Variants in ZNF415 observed in about 807,000 individuals in gnomAD.
ZNF415 encodes zinc finger protein 415.
ZNF415 carries 5 observed loss-of-function variants against 7.3 expected under a neutral mutation model. The ratio of observed to expected loss-of-function variants is 0.69; its 90% CI spans 0.36 to 1.44. ZNF415 has a LOEUF of 1.44. Among genes scored for constraint, ZNF415 ranks in the 40% most tolerant of loss-of-function variants. The pLI is 0.04. For synonymous variants in ZNF415, 207 were observed against 226.3 expected, an observed-to-expected ratio of 0.91 and a Z score of 0.77; for missense variants, 628 against 664.8, an observed-to-expected ratio of 0.94 and a Z score of 0.61.
intron 1 of ZNF415, among the ~76,000 whole-genome samples, chr19:53,125,683 G>T (rs542401137): frequency 6.6e-6 from 1 of 151,442 alleles, no homozygotes; most frequent in Non-Finnish European, 1.5e-5. Context: ...GGTGGCTCAC[G>T]CCTGTAATCC....
At chr19:53,116,183 A>T in intron 3 of ZNF415, 130 bp downstream of exon 3, 1 of 1,079,126 alleles carries the variant, frequency 9.3e-7, no homozygotes, top group African/African-American at 1.6e-5. Context: ...CACATTATGG[A>T]GCTTTTCATT....
intron 2 of ZNF415, chr19:53,122,460 C>T (rs1322859031): frequency 9.1e-6 from 14 of 1,545,290 alleles, no homozygotes; most frequent in Non-Finnish European, 1.2e-5. Context: ...CCAGTGGACT[C>T]TTCAGAAGTT....
chr19:53,122,457 A>G, intron 2 of ZNF415: 1 of 1,543,592 alleles, frequency 6.5e-7, no homozygotes, highest in Non-Finnish European at 8.7e-7. Flanking sequence ...TGCCCAGTGG[A>G]CTCTTCAGAA....
At chr19:53,120,435 C>T (rs2087810232) in intron 2 of ZNF415, among the ~76,000 whole-genome samples, 1 of 152,134 alleles carries the variant, frequency 6.6e-6, no homozygotes, top group East Asian at 1.9e-4. Flanking sequence ...AAACACATTT[C>T]AACAGGGCTT....
rs528571437 is a variant in ZNF415 at position 53,132,421 on chromosome 19, G to A, written c.-68+435C>T. ...GAGCAGCGGGGCCCGGCACGAGGAGGAGGGAGGTGGGGCGCGACAGCGCCT... is the reference window on the plus strand; with the variant it reads ...GAGCAGCGGGGCCCGGCACGAGGAGAAGGGAGGTGGGGCGCGACAGCGCCT... On this transcript the variant is annotated intron_variant, in intron 1 of 3. Transcript: ENST00000243643. Among the ~76,000 whole-genome samples the A allele has an allele frequency of 2.6e-5, 4 of 152,242 alleles. 1 individual carries two copies. In the South Asian group the frequency reaches 8.3e-4, roughly 32 times the overall value.
intron 3 of ZNF415, among the ~76,000 whole-genome samples, chr19:53,114,273 G>T (rs2086673136): frequency 6.6e-6 from 1 of 152,104 alleles, no homozygotes; most frequent in Admixed American, 6.6e-5. Flanking sequence ...GCCTCCTGGG[G>T]TCATGTGATT....
intron 3 of ZNF415, chr19:53,115,679 C>A: frequency 6.6e-7 from 1 of 1,510,192 alleles, no homozygotes. Context: ...GGTGTGGCTT[C>A]CTCTCCCCTC....
chr19:53,111,527 G>C (rs776951509), intron 3 of ZNF415, among the ~76,000 whole-genome samples: 1 of 151,834 alleles, frequency 6.6e-6, no homozygotes, highest in Non-Finnish European at 1.5e-5. Context: ...ATTTTTAGTA[G>C]AGATGGGGTT....
At position 53,116,352 on chromosome 19, in the gene ZNF415, C is replaced by A. The variant is rs376597389; in HGVS notation, c.97G>T (p.Asp33Tyr). Residue 33 changes from aspartate to tyrosine, a missense_variant, in exon 3 of 4, where the codon GAT becomes TAT. Transcript: ENST00000243643. Reference sequence around the variant, plus strand: ...TTCCTGTAGTTCTCCAACATCACATCCCTGTATAAAGTCCTCTGTGTAGAG... The same window carrying A: ...TTCCTGTAGTTCTCCAACATCACATACCTGTATAAAGTCCTCTGTGTAGAG... ...LNSTQRTLYRDVMLENYRNLV... is the reference protein window; with the variant it reads ...LNSTQRTLYRYVMLENYRNLV... 1.5e-5 allele frequency: 25 copies of A among 1,613,000 alleles called. 1 individual carries two copies. In the East Asian group the frequency reaches 2.0e-4, roughly 13 times the overall value.
intron 1 of ZNF415, among the ~76,000 whole-genome samples, chr19:53,125,670 C>T (rs1209679597): frequency 4.0e-5 from 6 of 150,268 alleles, no homozygotes; most frequent in South Asian, 2.2e-4. Flanking sequence ...TGGAGCCAGG[C>T]GCGGTGGCTC....
In ZNF415 at chr19:53,109,972, G is replaced by A. The variant is rs903503047; in HGVS notation, c.137-64C>T. On this transcript the variant is annotated intron_variant, in intron 3 of 3. Coordinates refer to ENST00000243643, the MANE Select transcript of ZNF415 (RefSeq NM_018355.4). ...AGACAGTATATAAATATTTCATACT[G>A]AATAACAGAATTACACAAAAAGCAA... The A allele has an allele frequency of 4.6e-6, 6 of 1,294,744 alleles. No homozygotes were observed. In the Admixed American group the frequency reaches 1.4e-4, roughly 29 times the overall value. 80.2% of individuals were successfully genotyped at this position (1,294,744 alleles called of 1,614,324 possible).
At chr19:53,130,072 A>C (rs1252244476) in intron 1 of ZNF415, among the ~76,000 whole-genome samples, 1 of 151,898 alleles carries the variant, frequency 6.6e-6, no homozygotes, top group African/African-American at 2.4e-5. Context: ...CTCACAAAAA[A>C]AAAAAAAAAG....
chr19:53,109,451 G>C lies in ZNF415; in HGVS notation c.594C>G (p.Ile198Met). 6.2e-7 allele frequency: 1 copy of C among 1,614,100 alleles called. No individual in the cohort carries two copies. Among genetic ancestry groups the C allele is most frequent in the Non-Finnish European group, 8.5e-7 (1 of 1,179,996 alleles). Residue 198 changes from isoleucine to methionine, a missense_variant, in exon 4 of 4, where the codon ATC becomes ATG. Physicochemically the swap from Ile to Met is conservative, Grantham distance 10. Transcript: ENST00000243643. ...GTTCTTGTGTGAGTAATGAAGAACAGATGAAATCAGTCCCATATTTATTAG... is the reference window on the plus strand; with the variant it reads ...GTTCTTGTGTGAGTAATGAAGAACACATGAAATCAGTCCCATATTTATTAG... ...HVSNKYGTDFICSSLLTQEQK... is the reference protein window; with the variant it reads ...HVSNKYGTDFMCSSLLTQEQK...
At chr19:53,119,151 G>A (rs11668227) in intron 2 of ZNF415, among the ~76,000 whole-genome samples, 33,412 of 151,734 alleles carry the variant, frequency 0.22, 3,989 homozygotes, top group South Asian at 0.3. Flanking sequence ...GTGTGGTGGT[G>A]GGCGCCTGTA....
intron 2 of ZNF415, among the ~76,000 whole-genome samples, chr19:53,117,112 C>T (rs1252521601): frequency 6.6e-6 from 1 of 152,120 alleles, no homozygotes; most frequent in African/African-American, 2.4e-5. Flanking sequence ...GTCTTCTTGG[C>T]ACATTATAGT....
At chr19:53,114,419 C>T (rs1363444882) in intron 3 of ZNF415, among the ~76,000 whole-genome samples, 3 of 152,142 alleles carry the variant, frequency 2.0e-5, no homozygotes, top group East Asian at 3.9e-4. Context: ...CCGCCCACCT[C>T]AGCCACCCAG....
chr19:53,121,665 C>T (rs995638321), intron 2 of ZNF415, among the ~76,000 whole-genome samples: 63 of 151,884 alleles, frequency 4.1e-4, no homozygotes, highest in African/African-American at 1.5e-3. Flanking sequence ...TACAATGATC[C>T]GCTCACCTCG....
In ZNF415 at chr19:53,108,184, G is replaced by A. The variant is rs1291881476; in HGVS notation, c.*193C>T. 4.9e-6 allele frequency: 3 copies of A among 607,588 alleles called. No individual in the cohort carries two copies. The East Asian group carries it at 8.5e-5, about 17-fold the overall frequency. 37.6% of individuals were successfully genotyped at this position (607,588 alleles called of 1,614,324 possible). On this transcript the variant is annotated 3_prime_UTR_variant, in exon 4 of 4. Transcript: ENST00000243643. ...CTTTAGCATGGACTCTGATGTCAAT[G>A]AATGCTTGAACTTGTGATGAAGGGT...
chr19:53,108,896 T>C lies in ZNF415; in HGVS notation c.1149A>G (p.Pro383=). Residue 383 remains proline (P), a synonymous_variant, in exon 4 of 4, where the codon CCA becomes CCG. Transcript: ENST00000243643. ...CTTTACCACATTCATTACACTTGTA[T>C]GGTTTCTCCCCAGTGTGAATTCTCT... is the stretch of plus-strand genomic sequence containing the variant. The part of the protein sequence containing the change: ...THQRIHTGEK[P]YKCNECGKVF... The C allele has an allele frequency of 3.1e-6, 5 of 1,614,100 alleles. No individual in the cohort carries two copies. Among genetic ancestry groups the C allele is most frequent in the Non-Finnish European group, 4.2e-6 (5 of 1,180,014 alleles).
Sources: allele counts gnomAD v4.1 joint callset (sites outside exome capture counted in the v4.1 genomes callset), GRCh38; gene constraint gnomAD v4.1.1; transcripts MANE v1.5; gene names NCBI Gene and HGNC (gene_info 2026-07-23, HGNC 2026-07-21).